CNOT2: variants seen among roughly 807,000 people sequenced by gnomAD.
The protein encoded by CNOT2 is CC chemokine receptor 4-negative regulator of transcription 2.
Under a neutral mutation model 72.1 loss-of-function variants are expected in CNOT2, and 7 were observed. The observed-to-expected ratio is 0.10, with a 90% CI of 0.06 to 0.18. CNOT2 has a LOEUF of 0.18. Ranked by LOEUF, CNOT2 falls within the 10% of genes least tolerant of loss-of-function variation. The pLI is 1.00. For missense variants in CNOT2, 345 were observed against 660.3 expected, an observed-to-expected ratio of 0.52 and a Z score of 5.23; for synonymous variants, 196 against 225.6, an observed-to-expected ratio of 0.87 and a Z score of 1.17.
chr12:70,280,907 A>T (rs1593110783), intron 2 of CNOT2, among the ~76,000 whole-genome samples: 1 of 152,186 alleles, frequency 6.6e-6, no homozygotes, highest in South Asian at 2.1e-4. Flanking sequence ...ACAATTTATT[A>T]TATGGCTCAT....
intron 2 of CNOT2, among the ~76,000 whole-genome samples, chr12:70,296,158 T>C (rs2135888816): frequency 6.6e-6 from 1 of 151,512 alleles, no homozygotes; most frequent in South Asian, 2.1e-4. Flanking sequence ...CACACACACA[T>C]ACCCTCCCCA....
intron 1 of CNOT2, among the ~76,000 whole-genome samples, chr12:70,273,368 C>T (rs1868319814): frequency 2.0e-5 from 3 of 151,988 alleles, no homozygotes; most frequent in Admixed American, 2.0e-4. Flanking sequence ...TTCCTTGAAC[C>T]ACTTATTCCA....
intron 8 of CNOT2, 160 bp downstream of exon 8, chr12:70,335,723 A>G: frequency 2.1e-6 from 1 of 477,578 alleles, no homozygotes; most frequent in Non-Finnish European, 3.6e-6. Flanking sequence ...ATATATTAGA[A>G]GTGATTTTTC....
rs572760594 is a variant in CNOT2, at chr12:70,348,958, G to A, written c.1536+2634G>A. Among the ~76,000 whole-genome samples, 31 of 152,060 alleles carry A rather than the reference G, an allele frequency of 2.0e-4. No homozygotes were observed. In the South Asian group the frequency reaches 6.2e-3, roughly 31 times the overall value. ...TTTAACTGTGATGTGAAAAATGTGA[G>A]AAATAATATCATTAAGTTACTCCCT... On this transcript the variant is annotated intron_variant, in intron 15 of 15. Transcript: ENST00000229195.
At chr12:70,316,940 T>A (rs1419926153) in intron 3 of CNOT2, among the ~76,000 whole-genome samples, 1 of 152,148 alleles carries the variant, frequency 6.6e-6, no homozygotes, top group African/African-American at 2.4e-5. Flanking sequence ...AACATAAATA[T>A]CTGATGAAAA....
intron 2 of CNOT2, among the ~76,000 whole-genome samples, chr12:70,294,571 C>A (rs1872523678): frequency 6.6e-6 from 1 of 151,836 alleles, no homozygotes; most frequent in Non-Finnish European, 1.5e-5. Flanking sequence ...TTTATATTCT[C>A]CACAGTGTAT....
At chr12:70,305,477 T>A (rs1413205775) in intron 2 of CNOT2, among the ~76,000 whole-genome samples, 1 of 152,174 alleles carries the variant, frequency 6.6e-6, no homozygotes. Flanking sequence ...AGCTAGGAAA[T>A]GACCGTAGAG....
At chr12:70,285,819 T>C (rs1158574571) in intron 2 of CNOT2, among the ~76,000 whole-genome samples, 3 of 152,062 alleles carry the variant, frequency 2.0e-5, no homozygotes. Flanking sequence ...AGGCACCCAA[T>C]GTAGTCAACA....
At chr12:70,293,898 T>A (rs1165437205) in intron 2 of CNOT2, among the ~76,000 whole-genome samples, 1 of 149,150 alleles carries the variant, frequency 6.7e-6, no homozygotes, top group Non-Finnish European at 1.5e-5. Flanking sequence ...AGTGTGCAAG[T>A]TTGTGGTGAG....
chr12:70,258,648 A>G (rs1238825817), intron 1 of CNOT2, among the ~76,000 whole-genome samples: 1 of 152,262 alleles, frequency 6.6e-6, no homozygotes, highest in Admixed American at 6.5e-5. Flanking sequence ...ATAGATACAT[A>G]TAATCTGACA....
intron 2 of CNOT2, among the ~76,000 whole-genome samples, chr12:70,306,055 G>A (rs35597428): frequency 0.12 from 18,054 of 151,978 alleles, 1,427 homozygotes; most frequent in Non-Finnish European, 0.18. Flanking sequence ...GCTCCATTAC[G>A]TCTTCCAGTT....
intron 13 of CNOT2, 32 bp downstream of exon 13, chr12:70,342,339 C>T: frequency 1.2e-6 from 2 of 1,606,084 alleles, no homozygotes; most frequent in East Asian, 2.2e-5. Context: ...ACTCAGTCAG[C>T]ATGAATTTAT....
chr12:70,261,317 T>TC (rs1958744427), intron 1 of CNOT2, among the ~76,000 whole-genome samples: 1 of 124,452 alleles, frequency 8.0e-6, no homozygotes, highest in Non-Finnish European at 1.7e-5. Flanking sequence ...TTTTTTTTTT[T>TC]TTTTTTTTTT....
chr12:70,247,615 T>C (rs1957941006), intron 1 of CNOT2, among the ~76,000 whole-genome samples: 1 of 152,214 alleles, frequency 6.6e-6, no homozygotes, highest in Non-Finnish European at 1.5e-5. Context: ...ACTCCCCAAA[T>C]CCTTTGCTGT....
chr12:70,348,028 C>T (rs1882414610), intron 15 of CNOT2: 1 of 152,036 alleles, frequency 6.6e-6, no homozygotes, highest in African/African-American at 2.4e-5. Flanking sequence ...TGCCTGTTTC[C>T]TCTTTTGTAA....
At chr12:70,267,785 A>T (rs541887559) in intron 1 of CNOT2, among the ~76,000 whole-genome samples, 32 of 152,394 alleles carry the variant, frequency 2.1e-4, no homozygotes, top group African/African-American at 7.2e-4. Context: ...AGTCTATCAC[A>T]GGGATTGCAA....
intron 5 of CNOT2, among the ~76,000 whole-genome samples, chr12:70,329,878 G>C (rs1474777359): frequency 6.6e-6 from 1 of 151,966 alleles, no homozygotes; most frequent in Non-Finnish European, 1.5e-5. Context: ...TTCCTCCCCA[G>C]ATGATTGTGA....
At chr12:70,264,781 C>T (rs1958942277) in intron 1 of CNOT2, among the ~76,000 whole-genome samples, 2 of 152,112 alleles carry the variant, frequency 1.3e-5, no homozygotes, top group South Asian at 4.2e-4. Context: ...AAGAAAGGGG[C>T]AGTGTGGCTC....
intron 2 of CNOT2, among the ~76,000 whole-genome samples, chr12:70,304,398 G>T (rs186918855): frequency 0.019 from 2,886 of 152,238 alleles, 34 homozygotes; most frequent in South Asian, 0.042. Context: ...TGTCCTTTCT[G>T]TTTGTTAGTT....
Sources: allele counts gnomAD v4.1 joint callset (sites outside exome capture counted in the v4.1 genomes callset), GRCh38; gene constraint gnomAD v4.1.1; transcripts MANE v1.5; gene names NCBI Gene and HGNC (gene_info 2026-07-23, HGNC 2026-07-21).